Variants in ABCC3 observed in about 807,000 individuals in gnomAD.
The protein encoded by ABCC3 is ATP binding cassette subfamily C member 3.
ABCC3 carries 121 observed loss-of-function variants against 165.3 expected under a neutral mutation model. The observed-to-expected ratio is 0.73, with a 90% CI of 0.63 to 0.85. ABCC3 has a LOEUF of 0.85. Among genes scored for constraint, ABCC3 ranks in the 40% least tolerant of loss-of-function variants. The probability of loss-of-function intolerance (pLI) is 0.00; values close to 1 mark genes in which losing one functional copy is unlikely to be tolerated. For missense variants in ABCC3, 1,869 were observed against 1,964.1 expected, an observed-to-expected ratio of 0.95 and a Z score of 0.92; for synonymous variants, 733 against 810.1, an observed-to-expected ratio of 0.90 and a Z score of 1.62.
chr17:50,667,582 G>A lies in ABCC3; in HGVS notation c.1460G>A (p.Arg487His), dbSNP rs773586596. Residue 487 changes from arginine to histidine, a missense_variant, in exon 12 of 31, where the codon CGC (arginine) becomes CAC (histidine). By Grantham distance (29) the Arg-to-His change is conservative. Transcript: ENST00000285238. ...AAGCAAATGAAATTGAAGGACTCGC[G>A]CATCAAGCTGATGAGTGAGATCCTG... ...QVKQMKLKDS[R>H]IKLMSEILNG... The A allele has an allele frequency of 6.2e-6, 10 of 1,611,272 alleles. No individual in the cohort carries two copies. Among genetic ancestry groups the A allele is most frequent in the Non-Finnish European group, 8.5e-6 (10 of 1,177,494 alleles).
intron 30 of ABCC3, among the ~76,000 whole-genome samples, chr17:50,688,072 C>T (rs547821574): frequency 5.3e-5 from 8 of 152,046 alleles, no homozygotes; most frequent in Middle Eastern, 3.4e-3. Flanking sequence ...CCACCACATC[C>T]GGCTAATTTT....
chr17:50,690,360 C>A (rs1968100698), intron 30 of ABCC3, among the ~76,000 whole-genome samples: 1 of 152,026 alleles, frequency 6.6e-6, no homozygotes, highest in Admixed American at 6.6e-5. Flanking sequence ...GGGGCGGTGG[C>A]CAGGCAGTGA....
intron 8 of ABCC3, among the ~76,000 whole-genome samples, chr17:50,661,447 G>T (rs1967385221): frequency 6.6e-6 from 1 of 152,234 alleles, no homozygotes; most frequent in Non-Finnish European, 1.5e-5. Context: ...GAGGTGAAGT[G>T]ACTTGGCCAA....
intron 1 of ABCC3, chr17:50,635,191 C>T (rs2054167327): frequency 1.6e-6 from 1 of 613,958 alleles, no homozygotes; most frequent in Non-Finnish European, 2.8e-6. Flanking sequence ...GGGACCTGCC[C>T]TGCTCTGCCC....
intron 18 of ABCC3, 57 bp downstream of exon 18, chr17:50,673,195 G>C (rs1967685786): frequency 3.8e-6 from 6 of 1,598,122 alleles, no homozygotes; most frequent in Non-Finnish European, 4.3e-6. Context: ...CGAAGAGAGA[G>C]CTGGTGAGAG....
At chr17:50,688,957 C>G (rs897980135) in intron 30 of ABCC3, among the ~76,000 whole-genome samples, 1 of 150,598 alleles carries the variant, frequency 6.6e-6, no homozygotes, top group African/African-American at 2.4e-5. Flanking sequence ...AATCCCAGGA[C>G]TTTGGGAGGC....
intron 8 of ABCC3, among the ~76,000 whole-genome samples, chr17:50,662,970 G>A (rs951145388): frequency 6.6e-6 from 1 of 152,098 alleles, no homozygotes. Context: ...AGCGCAGCAA[G>A]TTCCTGAGGA....
At chr17:50,673,958 T>TTCTTTCTTTCTTTC (rs1567835495) in intron 19 of ABCC3, among the ~76,000 whole-genome samples, 9 of 15,952 alleles carry the variant, frequency 5.6e-4, no homozygotes, top group East Asian at 1.4e-3. Flanking sequence ...CTTTCTTTCT[T>TTCTTTCTTTCTTTC]TCTTTCTTTC....
intron 1 of ABCC3, among the ~76,000 whole-genome samples, chr17:50,641,064 G>A (rs1407092677): frequency 6.6e-6 from 1 of 152,192 alleles, no homozygotes; most frequent in Non-Finnish European, 1.5e-5. Context: ...GGCTTGGGAA[G>A]TCCCTGGCAA....
chr17:50,656,485 A>G (rs1967250856), intron 2 of ABCC3, among the ~76,000 whole-genome samples: 1 of 152,210 alleles, frequency 6.6e-6, no homozygotes, highest in African/African-American at 2.4e-5. Context: ...GAATATATAC[A>G]GCCAGCTGAC....
Position 50,675,786 on chromosome 17 carries a change from G to T in ABCC3, c.2859+11G>T, listed in dbSNP as rs1170475284. 1 of 1,577,586 alleles carries T rather than the reference G, an allele frequency of 6.3e-7. No homozygotes were observed. The highest frequency in any genetic ancestry group is 8.6e-7 in the Non-Finnish European group (1 of 1,161,106). On this transcript the variant is annotated intron_variant, in intron 21 of 30. Coordinates refer to ENST00000285238, the MANE Select transcript of ABCC3 (RefSeq NM_003786.4). The stretch of plus-strand genomic sequence containing the variant: ...GCAGCCATTGGCACTGTGAGTCGGT[G>T]GGGCAAGAGGGGCTGGAGGGGATGG...
chr17:50,664,555 T>C (rs1464234380), intron 10 of ABCC3: 8 of 200,560 alleles, frequency 4.0e-5, no homozygotes, highest in African/African-American at 1.9e-4. Context: ...ATACAAAAAT[T>C]AGCCAGACGT....
At chr17:50,680,254 T>C (rs981082939) in intron 26 of ABCC3, among the ~76,000 whole-genome samples, 1 of 152,110 alleles carries the variant, frequency 6.6e-6, no homozygotes, top group African/African-American at 2.4e-5. Context: ...ATGAGAAGGA[T>C]GGACAGGCTT....
chr17:50,683,876 T>C, intron 27 of ABCC3, 73 bp from the exon 28 acceptor site: 1 of 1,575,032 alleles, frequency 6.3e-7, no homozygotes, highest in Non-Finnish European at 8.6e-7. Flanking sequence ...TTGTTCGGCC[T>C]CCAGGAGAGT....
intron 17 of ABCC3, 65 bp from the exon 18 acceptor site, chr17:50,672,905 GT>G: frequency 6.9e-7 from 1 of 1,447,118 alleles, no homozygotes; most frequent in East Asian, 2.3e-5. Flanking sequence ...CCAAATAACA[GT>G]GGACAGGCCG....
intron 27 of ABCC3, 59 bp downstream of exon 27, chr17:50,683,815 C>A (rs1053351757): frequency 6.4e-7 from 1 of 1,569,224 alleles, no homozygotes; most frequent in Non-Finnish European, 8.6e-7. Flanking sequence ...TGGCCACAGC[C>A]CTTGTGGGGA....
At chr17:50,684,619 C>G in intron 28 of ABCC3, 90 bp from the exon 29 acceptor site, 1 of 1,394,220 alleles carries the variant, frequency 7.2e-7, no homozygotes, top group South Asian at 1.4e-5. Flanking sequence ...ATGCTGCCAC[C>G]TTAATCCCTC....
At position 50,634,926 on chromosome 17, in the gene ABCC3, G is replaced by A; in HGVS notation, c.-11G>A. 1 of 1,254,112 alleles carries A rather than the reference G, an allele frequency of 8.0e-7. No homozygotes were observed. Among genetic ancestry groups the A allele is most frequent in the Non-Finnish European group, 1.0e-6 (1 of 997,810 alleles). 77.7% of individuals were successfully genotyped at this position (1,254,112 alleles called of 1,614,324 possible). ...CCGCGCTCGCCTTCCTTGCAGCCGCGCCTCGGCCCCATGGACGCCCTGTGC... is the reference window on the plus strand; with the variant it reads ...CCGCGCTCGCCTTCCTTGCAGCCGCACCTCGGCCCCATGGACGCCCTGTGC... On this transcript the variant is annotated 5_prime_UTR_variant, in exon 1 of 31. Transcript: ENST00000285238.
intron 17 of ABCC3, among the ~76,000 whole-genome samples, chr17:50,670,540 C>T (rs190009212): frequency 5.3e-5 from 8 of 152,330 alleles, no homozygotes; most frequent in Admixed American, 5.2e-4. Flanking sequence ...TCTCTACCTT[C>T]ATATAGCTCA....
Sources: gnomAD v4.1 joint callset for allele counts (sites outside exome capture counted in the v4.1 genomes callset) on GRCh38, gnomAD v4.1.1 for gene constraint, MANE v1.5 for transcripts, NCBI Gene and HGNC (gene_info 2026-07-23, HGNC 2026-07-21) for gene names.